Variants in MTCL2 observed in about 807,000 individuals in gnomAD.
MTCL2 encodes the protein microtubule crosslinking factor 2.
chr20:36,805,920 T>G, the MTCL2 span: 1 of 1,613,684 alleles, frequency 6.2e-7, no homozygotes, highest in Admixed American at 1.7e-5. Flanking sequence ...TATCTCCTCT[T>G]CCTCCATCAG....
chr20:36,786,212 A>T, the MTCL2 span: 2 of 1,120,234 alleles, frequency 1.8e-6, no homozygotes, highest in South Asian at 6.5e-5. Flanking sequence ...CTCTTGACAG[A>T]TCTCTCAGTG....
the MTCL2 span, chr20:36,863,062 C>A: frequency 7.1e-7 from 1 of 1,406,202 alleles, no homozygotes; most frequent in Non-Finnish European, 9.3e-7. This position sits in a 1 kb window ranked among gnomAD's most constrained non-coding sequence, Gnocchi z 6.2. Flanking sequence ...TTGGCACGGA[C>A]CCCGGTGCGG....
the MTCL2 span, among the ~76,000 whole-genome samples, chr20:36,839,798 C>G: frequency 5.3e-5 from 8 of 152,164 alleles, no homozygotes; most frequent in African/African-American, 1.4e-4. This position sits in a 1 kb window ranked among gnomAD's most constrained non-coding sequence, Gnocchi z 5.1. Context: ...AGGAATGCAG[C>G]CCTGCCCAAA....
At chr20:36,826,114 C>T in the MTCL2 span, among the ~76,000 whole-genome samples, 3 of 151,888 alleles carry the variant, frequency 2.0e-5, no homozygotes, top group South Asian at 2.1e-4. Flanking sequence ...TCATGCCATT[C>T]TCCTGCCTCA....
At chr20:36,839,188 G>C in the MTCL2 span, 17 of 1,569,696 alleles carry the variant, frequency 1.1e-5, no homozygotes, top group Non-Finnish European at 1.4e-5. The surrounding 1 kb of genome is among the most constrained non-coding windows in gnomAD (Gnocchi z 5.1). Flanking sequence ...TCCCATCCCA[G>C]CAACAAGGGC....
At chr20:36,817,502 A>G in the MTCL2 span, 1 of 1,495,762 alleles carries the variant, frequency 6.7e-7, no homozygotes, top group Non-Finnish European at 9.0e-7. Context: ...AAAAAAAAAA[A>G]AGTCAGGACT....
At chr20:36,802,996 C>T in the MTCL2 span, 13 of 1,595,748 alleles carry the variant, frequency 8.1e-6, no homozygotes, top group Admixed American at 7.0e-5. Context: ...TCCATGACAG[C>T]GCTGTAGGAC....
At chr20:36,796,444 T>C in the MTCL2 span, among the ~76,000 whole-genome samples, 1 of 152,202 alleles carries the variant, frequency 6.6e-6, no homozygotes, top group South Asian at 2.1e-4. Context: ...AGTGGAGACG[T>C]GGTCCTTATG....
chr20:36,858,461 AAAACACACACACACACACACAC>A, the MTCL2 span, among the ~76,000 whole-genome samples: 488 of 42,190 alleles, frequency 0.012, 22 homozygotes, highest in African/African-American at 0.014. Flanking sequence ...CCAAGGAGGG[AAAACACACACACACACACACAC>A]ACACACACAC....
the MTCL2 span, among the ~76,000 whole-genome samples, chr20:36,802,468 A>G: frequency 6.6e-6 from 1 of 151,872 alleles, no homozygotes; most frequent in African/African-American, 2.4e-5. Context: ...TCCCATGGGA[A>G]CCACTCTTAG....
the MTCL2 span, chr20:36,817,390 G>A: frequency 6.4e-7 from 1 of 1,567,118 alleles, no homozygotes; most frequent in Non-Finnish European, 8.6e-7. Flanking sequence ...CTTCCTACGG[G>A]GGCTGCTGGG....
the MTCL2 span, chr20:36,803,243 A>G: frequency 7.7e-7 from 1 of 1,296,110 alleles, no homozygotes; most frequent in South Asian, 1.5e-5. Flanking sequence ...GGACTAACCC[A>G]GCTTAGTCCT....
At chr20:36,793,323 G>A in the MTCL2 span, 29 of 1,551,682 alleles carry the variant, frequency 1.9e-5, no homozygotes, top group Non-Finnish European at 2.4e-5. The surrounding 1 kb of genome is among the most constrained non-coding windows in gnomAD (Gnocchi z 6.8). Flanking sequence ...AGCATGGTGA[G>A]TCTGACCTCC....
the MTCL2 span, among the ~76,000 whole-genome samples, chr20:36,845,800 G>A: frequency 6.6e-6 from 1 of 152,114 alleles, no homozygotes; most frequent in Non-Finnish European, 1.5e-5. Context: ...TCCATCCCAG[G>A]AGAGCTCTCC....
chr20:36,784,454 G>A, the MTCL2 span: 23 of 985,502 alleles, frequency 2.3e-5, no homozygotes, highest in Non-Finnish European at 2.8e-5. Flanking sequence ...GGGAGTGCAG[G>A]GGCGCCTCCA....
chr20:36,841,874 G>GGTGTGTGTGTGTGTGT, the MTCL2 span, among the ~76,000 whole-genome samples: 106 of 110,856 alleles, frequency 9.6e-4, no homozygotes, highest in African/African-American at 2.6e-3. Flanking sequence ...TGGGGGGTGG[G>GGTGTGTGTGTGTGTGT]GTGTGTGTGT....
the MTCL2 span, among the ~76,000 whole-genome samples, chr20:36,856,575 G>A: frequency 6.6e-6 from 1 of 152,214 alleles, no homozygotes; most frequent in Non-Finnish European, 1.5e-5. Flanking sequence ...CCAGGAGCTG[G>A]GCATCAGGGA....
chr20:36,804,342 T>G, the MTCL2 span, among the ~76,000 whole-genome samples: 3 of 152,146 alleles, frequency 2.0e-5, no homozygotes, highest in Middle Eastern at 3.2e-3. Context: ...TAAGGCTCCT[T>G]TGGGGGCACG....
chr20:36,816,449 G>A, the MTCL2 span: 21 of 697,152 alleles, frequency 3.0e-5, no homozygotes, highest in South Asian at 1.9e-4. Context: ...CTAAGGGTCC[G>A]GGGGAGACGC....
Sources: gnomAD v4.1 joint callset for allele counts (sites outside exome capture counted in the v4.1 genomes callset) on GRCh38, gnomAD v4.1.1 for gene constraint, Gnocchi (gnomAD v3.1) non-coding constraint, MANE v1.5 for transcripts, NCBI Gene and HGNC (gene_info 2026-07-23, HGNC 2026-07-21) for gene names.